PHF14: variants seen among roughly 807,000 people sequenced by gnomAD.
PHF14 encodes PHD finger protein 14.
In PHF14, 55 loss-of-function variants were observed where a neutral mutation model predicts 117.9. The ratio of observed to expected loss-of-function variants is 0.47; its 90% CI spans 0.38 to 0.58. The LOEUF (loss-of-function observed/expected upper bound fraction) is 0.58. Among genes scored for constraint, PHF14 ranks in the 20% least tolerant of loss-of-function variants. PHF14 has a pLI of 0.00. For missense variants in PHF14, 978 were observed against 1,122.2 expected, an observed-to-expected ratio of 0.87 and a Z score of 1.84; for synonymous variants, 409 against 368.6, an observed-to-expected ratio of 1.11 and a Z score of -1.26.
At position 11,109,138 on chromosome 7, in the gene PHF14, GC is replaced by G. The variant is rs561591008; in HGVS notation, c.2655-2210del. 5 of 151,834 alleles carry G rather than the reference GC, an allele frequency of 3.3e-5. No individual in the cohort carries two copies. In the East Asian group the frequency reaches 9.7e-4, roughly 29 times the overall value. The allele number at this position is 151,834 out of a possible 1,614,324, so 9.4% of individuals were successfully genotyped here. A position where few individuals can be genotyped will look rare whatever the true frequency, so the allele number is the denominator to read the frequency against. On this transcript the variant is annotated intron_variant, in intron 16 of 17. Transcript: ENST00000634607. ...TGTATTTTTACTGTCAGTTTACATA[GC>G]CTCAGTAAGTTTTAGTGGTCTGGTT...
intron 17 of PHF14, among the ~76,000 whole-genome samples, chr7:11,121,909 C>T (rs190049436): frequency 2.0e-5 from 3 of 151,594 alleles, no homozygotes; most frequent in East Asian, 2.0e-4. Flanking sequence ...AGGTTTGTTC[C>T]GTAGGTATAC....
At chr7:10,984,132 G>A (rs1051770741) in intron 3 of PHF14, among the ~76,000 whole-genome samples, 2 of 151,966 alleles carry the variant, frequency 1.3e-5, no homozygotes, top group African/African-American at 2.4e-5. Context: ...TAAGTTAAAC[G>A]GGTAGAAAGA....
intron 4 of PHF14, among the ~76,000 whole-genome samples, chr7:11,000,855 T>C (rs117716847): frequency 0.02 from 2,992 of 152,280 alleles, 40 homozygotes; most frequent in Middle Eastern, 0.044. Context: ...AGCAGAAGTT[T>C]TACATTTTAA....
intron 3 of PHF14, among the ~76,000 whole-genome samples, chr7:10,988,534 GTTT>G (rs34658159): frequency 2.5e-5 from 3 of 118,160 alleles, no homozygotes; most frequent in Non-Finnish European, 3.4e-5. Flanking sequence ...TTTCTAGTCT[GTTT>G]TTTTTTTTTT....
intron 17 of PHF14, among the ~76,000 whole-genome samples, chr7:11,122,050 C>T (rs927427736): frequency 6.6e-6 from 1 of 151,420 alleles, no homozygotes; most frequent in African/African-American, 2.4e-5. Flanking sequence ...TGTGTTGCTT[C>T]TCTCCCTGTG....
intron 16 of PHF14, among the ~76,000 whole-genome samples, chr7:11,076,559 TTC>T (rs1422722948): frequency 7.2e-6 from 1 of 139,142 alleles, no homozygotes; most frequent in African/African-American, 2.6e-5. Context: ...GGATATTTTT[TTC>T]TTTTTCTTTT....
At chr7:11,025,379 A>T (rs1783871691) in intron 6 of PHF14, among the ~76,000 whole-genome samples, 1 of 152,160 alleles carries the variant, frequency 6.6e-6, no homozygotes, top group African/African-American at 2.4e-5. Context: ...GAGAGGATTG[A>T]CTCCAATTTT....
intron 16 of PHF14, among the ~76,000 whole-genome samples, chr7:11,075,715 A>G (rs77258229): frequency 0.013 from 1,929 of 152,152 alleles, 41 homozygotes; most frequent in East Asian, 0.1. Flanking sequence ...AAACTATATC[A>G]ATATGTATCA....
chr7:11,076,775 C>G (rs1785871286), intron 16 of PHF14, among the ~76,000 whole-genome samples: 1 of 151,600 alleles, frequency 6.6e-6, no homozygotes, highest in Admixed American at 6.6e-5. Context: ...GCAATGTTGT[C>G]CAGGCTCATC....
intron 17 of PHF14, among the ~76,000 whole-genome samples, chr7:11,162,035 A>C (rs1007340646): frequency 7.1e-6 from 1 of 140,130 alleles, no homozygotes; most frequent in Non-Finnish European, 1.5e-5. Context: ...CAGTATTCTT[A>C]GCCCCTTCAG....
intron 16 of PHF14, among the ~76,000 whole-genome samples, chr7:11,067,857 A>G (rs973917286): frequency 1.2e-4 from 18 of 152,060 alleles, no homozygotes; most frequent in African/African-American, 3.1e-4. Flanking sequence ...TTACTATCCA[A>G]CTATCAAAGG....
chr7:11,126,388 G>C (rs1479859550), intron 17 of PHF14, among the ~76,000 whole-genome samples: 2 of 152,080 alleles, frequency 1.3e-5, no homozygotes, highest in Non-Finnish European at 2.9e-5. Flanking sequence ...AGCAGGCTAA[G>C]TGCTGTAAAG....
chr7:11,041,591 G>A (rs1209603131), intron 12 of PHF14, among the ~76,000 whole-genome samples: 1 of 151,442 alleles, frequency 6.6e-6, no homozygotes, highest in Non-Finnish European at 1.5e-5. Context: ...CTGTTTTTTT[G>A]TTGGAGGCTC....
At chr7:11,052,223 A>G (rs76404209) in intron 14 of PHF14, among the ~76,000 whole-genome samples, 2,041 of 152,310 alleles carry the variant, frequency 0.013, 46 homozygotes, top group African/African-American at 0.047. Flanking sequence ...TTTGAATTTC[A>G]TATGAATGGA....
intron 4 of PHF14, among the ~76,000 whole-genome samples, chr7:11,002,810 T>G (rs1433643070): frequency 1.3e-5 from 2 of 152,076 alleles, no homozygotes; most frequent in Non-Finnish European, 2.9e-5. Context: ...GAGGCAAAAA[T>G]GAAATGCTGA....
intron 17 of PHF14, 40 bp from the exon 18 acceptor site, chr7:11,169,376 A>G (rs1486955530): frequency 4.1e-6 from 4 of 964,612 alleles, no homozygotes; most frequent in East Asian, 5.4e-5. Context: ...TAAATGCTCT[A>G]AAGTTTATAT....
intron 2 of PHF14, among the ~76,000 whole-genome samples, chr7:10,976,308 G>A (rs1049384992): frequency 7.2e-5 from 11 of 151,966 alleles, no homozygotes; most frequent in Non-Finnish European, 7.4e-5. Flanking sequence ...GCTGATATTT[G>A]GTATTTCCAA....
At chr7:10,981,557 A>G (rs2128307941) in intron 2 of PHF14, among the ~76,000 whole-genome samples, 1 of 152,292 alleles carries the variant, frequency 6.6e-6, no homozygotes. Flanking sequence ...TGAGCTCTTT[A>G]ATGTCTTCAG....
At chr7:11,057,904 T>C (rs911504371) in intron 14 of PHF14, among the ~76,000 whole-genome samples, 15 of 152,166 alleles carry the variant, frequency 9.9e-5, no homozygotes, top group African/African-American at 3.6e-4. Flanking sequence ...AAAATTGGAA[T>C]GTGTCAAGAT....
Sources: allele counts gnomAD v4.1 joint callset (sites outside exome capture counted in the v4.1 genomes callset), GRCh38; gene constraint gnomAD v4.1.1; transcripts MANE v1.5; gene names NCBI Gene and HGNC (gene_info 2026-07-23, HGNC 2026-07-21).